Variants in NCALD observed in about 807,000 individuals in gnomAD.
NCALD encodes the protein neurocalcin delta.
In NCALD, 10 loss-of-function variants were observed where a neutral mutation model predicts 18.6. The ratio of observed to expected loss-of-function variants is 0.54; its 90% confidence interval spans 0.33 to 0.91. The LOEUF (loss-of-function observed/expected upper bound fraction) is 0.91. Among genes scored for constraint, NCALD ranks in the 40% least tolerant of loss-of-function variants. NCALD has a pLI of 0.03. For synonymous variants in NCALD, 88 were observed against 87.4 expected (o/e 1.01, Z -0.04); for missense variants, 184 against 247.6 (o/e 0.74, Z 1.72).
rs576829177 is a variant in NCALD at position 101,855,146 on chromosome 8, C to A, written c.-20+31995G>T. Among the ~76,000 whole-genome samples, 7 of 152,198 alleles carry A rather than the reference C, an allele frequency of 4.6e-5. No individual in the cohort carries two copies. The East Asian group carries it at 1.3e-3, about 29-fold the overall frequency. On this transcript the variant is annotated intron_variant, in intron 4 of 6. Coordinates refer to the NCALD transcript ENST00000311028. The stretch of plus-strand genomic sequence containing the variant: ...GCAAGTGTCAGGCAGTCAGATGGGA[C>A]CAGTATCCCTAACAGGAAGAAGAGT...
chr8:101,808,775 A>G (rs1334913436), intron 4 of NCALD, among the ~76,000 whole-genome samples: 3 of 152,078 alleles, frequency 2.0e-5, no homozygotes, highest in Admixed American at 1.3e-4. Flanking sequence ...TGTACACCCT[A>G]AAGATGGATG....
chr8:102,017,441 C>T (rs1013836369), intron 2 of NCALD, among the ~76,000 whole-genome samples: 9 of 152,144 alleles, frequency 5.9e-5, no homozygotes, highest in Non-Finnish European at 1.0e-4. Context: ...AGGCTGAGCG[C>T]GGTGGCTCAC....
chr8:101,961,151 T>C (rs1005917506), intron 2 of NCALD, among the ~76,000 whole-genome samples: 2 of 152,130 alleles, frequency 1.3e-5, no homozygotes, highest in Admixed American at 6.6e-5. Flanking sequence ...TAAATATGTA[T>C]GGCATAAATG....
At chr8:101,967,011 G>C (rs777563019) in intron 2 of NCALD, among the ~76,000 whole-genome samples, 1 of 152,232 alleles carries the variant, frequency 6.6e-6, no homozygotes, top group Admixed American at 6.5e-5. Context: ...GAATATATAC[G>C]TGTGTGTGTT....
intron 2 of NCALD, among the ~76,000 whole-genome samples, chr8:101,963,456 T>C (rs1714601032): frequency 6.6e-6 from 1 of 152,120 alleles, no homozygotes. Context: ...CCTGAAGTCA[T>C]GACCAAGGAA....
chr8:101,999,057 C>T (rs566882787), intron 2 of NCALD, among the ~76,000 whole-genome samples: 2 of 143,908 alleles, frequency 1.4e-5, no homozygotes, highest in Admixed American at 1.4e-4. Flanking sequence ...AAATCATACC[C>T]ACTCACACTC....
chr8:101,928,792 C>T (rs1818433188), intron 2 of NCALD, among the ~76,000 whole-genome samples: 1 of 152,070 alleles, frequency 6.6e-6, no homozygotes, highest in African/African-American at 2.4e-5. Flanking sequence ...ATTGAGAAAC[C>T]TGATGATTTA....
At chr8:101,853,837 C>T (rs989097257) in intron 4 of NCALD, among the ~76,000 whole-genome samples, 12 of 152,036 alleles carry the variant, frequency 7.9e-5, no homozygotes, top group South Asian at 4.1e-4. Context: ...GACCCTGCTC[C>T]CCCCATTTCC....
At chr8:101,799,658 A>G (rs1028368340) in intron 4 of NCALD, among the ~76,000 whole-genome samples, 2 of 152,224 alleles carry the variant, frequency 1.3e-5, no homozygotes, top group Non-Finnish European at 2.9e-5. Context: ...TACAGAGCAG[A>G]AAAACAAGTC....
At chr8:101,754,318 G>A (rs1432720126) in intron 1 of NCALD, among the ~76,000 whole-genome samples, 2 of 152,150 alleles carry the variant, frequency 1.3e-5, no homozygotes, top group Non-Finnish European at 2.9e-5. Context: ...TCTTACAACA[G>A]CTCTACAAGT....
rs141908060 is a variant in NCALD, at chr8:101,997,693, A to G, written c.-157+22544T>C. Reference sequence around the variant, plus strand: ...CCACTGAATCTGCTGCAACTGGTCTATTTTCAGCTCTATTTCTCTGAGCCT... The same window carrying G: ...CCACTGAATCTGCTGCAACTGGTCTGTTTTCAGCTCTATTTCTCTGAGCCT... On this transcript the variant is annotated intron_variant, in intron 2 of 6. Transcript: ENST00000311028. 4.2e-3 allele frequency among the ~76,000 whole-genome samples: 633 copies of G among 152,298 alleles called. 2 individuals are homozygous for G. Among genetic ancestry groups the G allele is most frequent in the African/African-American group, 0.013 (559 of 41,546 alleles).
intron 3 of NCALD, among the ~76,000 whole-genome samples, chr8:101,905,485 A>G (rs946965044): frequency 1.3e-5 from 2 of 152,092 alleles, no homozygotes; most frequent in Non-Finnish European, 2.9e-5. Flanking sequence ...TCTCTCAGAT[A>G]TGTCTTTCCT....
intron 1 of NCALD, among the ~76,000 whole-genome samples, chr8:102,102,389 G>A (rs1825312414): frequency 6.6e-6 from 1 of 152,222 alleles, no homozygotes; most frequent in Admixed American, 6.5e-5. Flanking sequence ...CCACAGGGAG[G>A]AAACATTTTG....
intron 2 of NCALD, among the ~76,000 whole-genome samples, chr8:101,961,389 G>A (rs1466245473): frequency 1.3e-5 from 2 of 152,106 alleles, no homozygotes; most frequent in Non-Finnish European, 2.9e-5. Flanking sequence ...TATAAATCCT[G>A]CAATGTAAAT....
intron 1 of NCALD, among the ~76,000 whole-genome samples, chr8:102,068,218 G>T (rs981592468): frequency 2.0e-5 from 3 of 152,198 alleles, no homozygotes; most frequent in Non-Finnish European, 4.4e-5. Flanking sequence ...GACCAGGAGT[G>T]ATCAGGGAGA....
intron 2 of NCALD, among the ~76,000 whole-genome samples, chr8:101,954,787 A>G (rs1819559446): frequency 6.6e-6 from 1 of 152,254 alleles, no homozygotes; most frequent in Non-Finnish European, 1.5e-5. Context: ...AAGATAATAT[A>G]GAAATAAGAA....
chr8:102,111,412 A>ATGTGTGTGTGTG lies in NCALD; in HGVS notation c.-210+12813_-210+12824dup, dbSNP rs57126471. ...AAATTTAGATCATATGTCTAAAGAG[A>ATGTGTGTGTGTG]TGTGTGTGTGTGTGTGTGTGTGTGT... On this transcript the variant is annotated intron_variant, in intron 1 of 6. Coordinates refer to the NCALD transcript ENST00000311028. 2.8e-3 allele frequency among the ~76,000 whole-genome samples: 413 copies of ATGTGTGTGTGTG among 147,740 alleles called. 2 individuals carry two copies. The highest frequency in any genetic ancestry group is 8.3e-3 in the African/African-American group (332 of 39,800).
intron 4 of NCALD, among the ~76,000 whole-genome samples, chr8:101,856,714 A>G (rs1815335273): frequency 6.6e-6 from 1 of 152,160 alleles, no homozygotes; most frequent in Non-Finnish European, 1.5e-5. Context: ...CCTGGAAACC[A>G]GGCTCATCCT....
chr8:101,784,344 T>A (rs150266896), intron 1 of NCALD, among the ~76,000 whole-genome samples: 1 of 152,050 alleles, frequency 6.6e-6, no homozygotes, highest in Non-Finnish European at 1.5e-5. Context: ...AGAAAAAGAA[T>A]AGCAAGAGAG....
Sources: allele counts gnomAD v4.1 joint callset (sites outside exome capture counted in the v4.1 genomes callset), GRCh38; gene constraint gnomAD v4.1.1; transcripts MANE v1.5; gene names NCBI Gene and HGNC (gene_info 2026-07-23, HGNC 2026-07-21).